The following EXOC4 variants were observed in gnomAD, a reference collection of about 807,000 sequenced individuals.
EXOC4 encodes SEC8-like 1.
EXOC4 carries 71 observed loss-of-function variants against 107.2 expected under a neutral mutation model. The ratio of observed to expected loss-of-function variants is 0.66; its 90% CI spans 0.55 to 0.81. EXOC4 has a LOEUF of 0.81. Among genes scored for constraint, EXOC4 ranks in the 30% least tolerant of loss-of-function variants. The probability of loss-of-function intolerance (pLI) is 0.00; values close to 1 mark genes in which losing one functional copy is unlikely to be tolerated. For synonymous variants in EXOC4, 456 were observed against 441.2 expected, an observed-to-expected ratio of 1.03 and a Z score of -0.42; for missense variants, 1,108 against 1,189.6, an observed-to-expected ratio of 0.93 and a Z score of 1.01.
chr7:134,055,739 G>T (rs916848334), intron 17 of EXOC4, among the ~76,000 whole-genome samples: 1 of 152,180 alleles, frequency 6.6e-6, no homozygotes, highest in African/African-American at 2.4e-5. Context: ...AGGGCAGGCA[G>T]GGAGACTGCC....
intron 7 of EXOC4, among the ~76,000 whole-genome samples, chr7:133,392,610 C>T (rs1299263375): frequency 6.6e-6 from 1 of 152,132 alleles, no homozygotes; most frequent in Non-Finnish European, 1.5e-5. Flanking sequence ...ATTTAGCAGA[C>T]TAGGAGACCA....
At chr7:133,279,691 G>T (rs1349652396) in intron 2 of EXOC4, among the ~76,000 whole-genome samples, 1 of 152,002 alleles carries the variant, frequency 6.6e-6, no homozygotes, top group African/African-American at 2.4e-5. Context: ...GCTAATATTT[G>T]ATTTTTTTGC....
intron 13 of EXOC4, among the ~76,000 whole-genome samples, chr7:133,919,297 C>G (rs1799884501): frequency 6.6e-6 from 1 of 152,094 alleles, no homozygotes; most frequent in Non-Finnish European, 1.5e-5. Flanking sequence ...TACACCTCCC[C>G]CAACCATTTC....
chr7:133,570,139 A>T (rs1800991494), intron 9 of EXOC4, among the ~76,000 whole-genome samples: 1 of 152,168 alleles, frequency 6.6e-6, no homozygotes, highest in South Asian at 2.1e-4. Context: ...GTCAATATAT[A>T]ATGTATAATA....
intron 17 of EXOC4, among the ~76,000 whole-genome samples, chr7:134,046,531 A>G (rs186931935): frequency 0.011 from 1,605 of 150,098 alleles, 17 homozygotes; most frequent in Non-Finnish European, 0.017. Flanking sequence ...CCCTCACCAC[A>G]GGCATTTCCT....
chr7:133,924,690 A>G (rs950386711), intron 13 of EXOC4, among the ~76,000 whole-genome samples: 2 of 152,160 alleles, frequency 1.3e-5, no homozygotes, highest in Non-Finnish European at 2.9e-5. Context: ...AAAATATACA[A>G]TTTTTCTAGT....
chr7:133,725,631 C>T (rs1795199193), intron 10 of EXOC4, among the ~76,000 whole-genome samples: 2 of 152,134 alleles, frequency 1.3e-5, no homozygotes, highest in South Asian at 2.1e-4. Context: ...CCACCTCAGC[C>T]GTCCAAAGTG....
At chr7:133,268,227 G>C (rs190799501) in intron 1 of EXOC4, among the ~76,000 whole-genome samples, 1 of 152,184 alleles carries the variant, frequency 6.6e-6, no homozygotes, top group Admixed American at 6.5e-5. Context: ...AAGTTGCAGA[G>C]CTCCGTTTGA....
intron 10 of EXOC4, among the ~76,000 whole-genome samples, chr7:133,637,546 A>G (rs752004280): frequency 6.6e-6 from 1 of 152,114 alleles, no homozygotes; most frequent in African/African-American, 2.4e-5. Flanking sequence ...AATGTTGTAG[A>G]TCACATATTA....
chr7:133,681,633 T>TC (rs1396328779), intron 10 of EXOC4, among the ~76,000 whole-genome samples: 1 of 152,056 alleles, frequency 6.6e-6, no homozygotes, highest in South Asian at 2.1e-4. Context: ...TCCTCCTGGG[T>TC]CCCCCCTACA....
intron 7 of EXOC4, among the ~76,000 whole-genome samples, chr7:133,438,540 T>C (rs9649045): frequency 0.85 from 129,358 of 152,078 alleles, 55,346 homozygotes; most frequent in East Asian, 0.95. Context: ...ATGAGAATCG[T>C]CTGGAATGCT....
At chr7:133,736,445 A>G (rs531781423) in intron 10 of EXOC4, among the ~76,000 whole-genome samples, 1 of 152,350 alleles carries the variant, frequency 6.6e-6, no homozygotes, top group East Asian at 1.9e-4. Context: ...CTTCCCACTG[A>G]TAACTTAAAA....
At chr7:134,051,603 C>T (rs976651847) in intron 17 of EXOC4, among the ~76,000 whole-genome samples, 4 of 147,646 alleles carry the variant, frequency 2.7e-5, no homozygotes, top group African/African-American at 1.0e-4. Flanking sequence ...CCTGGAGGGG[C>T]AGAGGTTGCA....
chr7:133,720,093 C>G (rs1795076729), intron 10 of EXOC4, among the ~76,000 whole-genome samples: 1 of 152,110 alleles, frequency 6.6e-6, no homozygotes, highest in Admixed American at 6.6e-5. Flanking sequence ...ATTACCAGTT[C>G]CTATCTCGTT....
intron 2 of EXOC4, among the ~76,000 whole-genome samples, chr7:133,279,910 A>G (rs1266034193): frequency 2.0e-5 from 3 of 152,180 alleles, no homozygotes; most frequent in Non-Finnish European, 4.4e-5. Context: ...GAGCTGACAG[A>G]TGGATTTAAC....
intron 9 of EXOC4, among the ~76,000 whole-genome samples, chr7:133,614,140 C>T (rs536472716): frequency 2.0e-5 from 3 of 151,226 alleles, no homozygotes; most frequent in East Asian, 3.9e-4. Context: ...ATGAAAGTGC[C>T]CTACACTGGG....
intron 9 of EXOC4, among the ~76,000 whole-genome samples, chr7:133,584,352 C>A (rs770166467): frequency 3.3e-5 from 5 of 151,978 alleles, no homozygotes; most frequent in African/African-American, 1.2e-4. Flanking sequence ...CATTATCTGC[C>A]CAAAACCCTT....
intron 6 of EXOC4, among the ~76,000 whole-genome samples, chr7:133,359,981 G>A (rs1475389017): frequency 4.6e-5 from 7 of 152,098 alleles, no homozygotes; most frequent in African/African-American, 1.2e-4. Flanking sequence ...ACTATTAAAT[G>A]AAAATATTCA....
the EXOC4 span, among the ~76,000 whole-genome samples, chr7:134,080,592 T>G: frequency 2.0e-5 from 3 of 151,916 alleles, no homozygotes; most frequent in African/African-American, 7.3e-5. Flanking sequence ...CGGTAGTGGC[T>G]TCAACTAGGG....
Sources: gnomAD v4.1 joint callset for allele counts (sites outside exome capture counted in the v4.1 genomes callset) on GRCh38, gnomAD v4.1.1 for gene constraint, MANE v1.5 for transcripts, NCBI Gene and HGNC (gene_info 2026-07-23, HGNC 2026-07-21) for gene names.